Variants in MYSM1 observed in about 807,000 individuals in gnomAD.
MYSM1 encodes the protein deubiquitinase MYSM1.
In MYSM1, 51 loss-of-function variants were observed where a neutral mutation model predicts 116.0. The observed-to-expected ratio is 0.44, with a 90% CI of 0.35 to 0.56. The LOEUF is 0.56. MYSM1 is among the 20% of genes least tolerant of loss of function. The pLI, the probability that MYSM1 is intolerant of heterozygous loss-of-function variation, is 0.00. For synonymous variants in MYSM1, 313 were observed against 315.2 expected (o/e 0.99, Z 0.07); for missense variants, 900 against 974.9 (o/e 0.92, Z 1.02).
intron 16 of MYSM1, 74 bp downstream of exon 16, chr1:58,666,964 A>T: frequency 1.5e-6 from 1 of 662,666 alleles, no homozygotes; most frequent in Non-Finnish European, 2.3e-6. Context: ...AAAAATGTTT[A>T]AAGTTTATCT....
intron 10 of MYSM1, among the ~76,000 whole-genome samples, chr1:58,674,011 G>A (rs1644604987): frequency 6.6e-6 from 1 of 152,036 alleles, no homozygotes; most frequent in Non-Finnish European, 1.5e-5. Flanking sequence ...CATCATGTAG[G>A]AGCTAAAACA....
chr1:58,688,740 G>T (rs909244971), intron 6 of MYSM1, among the ~76,000 whole-genome samples: 2 of 151,662 alleles, frequency 1.3e-5, no homozygotes, highest in African/African-American at 4.8e-5. Flanking sequence ...TTTAATCCAG[G>T]TAGTTGGTGT....
chr1:58,673,407 G>A (rs1227299578), intron 11 of MYSM1, among the ~76,000 whole-genome samples, 166 bp downstream of exon 11: 1 of 152,224 alleles, frequency 6.6e-6, no homozygotes, highest in Non-Finnish European at 1.5e-5. Context: ...CACCACCAAT[G>A]CCTTCTACTT....
chr1:58,671,183 C>G (rs1160992849), intron 12 of MYSM1, among the ~76,000 whole-genome samples: 1 of 152,118 alleles, frequency 6.6e-6, no homozygotes, highest in African/African-American at 2.4e-5. Flanking sequence ...GTTTCCTCAT[C>G]TATAAAATGG....
At chr1:58,663,144 C>G (rs572874983) in intron 17 of MYSM1, among the ~76,000 whole-genome samples, 1 of 151,962 alleles carries the variant, frequency 6.6e-6, no homozygotes, top group Non-Finnish European at 1.5e-5. Context: ...GGATCTGAAT[C>G]CAGTAGAGTG....
rs1411158094 is a variant in MYSM1, at chr1:58,665,597, C to G, written c.2066G>C (p.Gly689Ala). 2 of 1,579,550 alleles carry G rather than the reference C, an allele frequency of 1.3e-6. No homozygotes were observed. The change falls in exon 17 of 20, where the codon GGG becomes GCG. Residue 689 changes from glycine to alanine, a missense_variant. By Grantham distance (60) the Gly-to-Ala change is moderately conservative. Around this residue, in one of 3 missense-constraint regions of MYSM1, gnomAD observed 186 missense variants for 196.2 expected, o/e 0.95. Transcript: ENST00000472487. Reference sequence around the variant, plus strand: ...TCGATTATAGGGACTAACAATCATCCCAATGAACTTTGCACCTCCTCTGGA... The same window carrying G: ...TCGATTATAGGGACTAACAATCATCGCAATGAACTTTGCACCTCCTCTGGA... ...YFSRGGAKFIGMIVSPYNRNN... is the reference protein window; with the variant it reads ...YFSRGGAKFIAMIVSPYNRNN...
At chr1:58,666,648 C>A (rs1644475725) in intron 16 of MYSM1, among the ~76,000 whole-genome samples, 1 of 149,278 alleles carries the variant, frequency 6.7e-6, no homozygotes. Flanking sequence ...CGAGGCGGGC[C>A]AATCACCTGA....
intron 8 of MYSM1, among the ~76,000 whole-genome samples, chr1:58,678,590 T>G (rs1644690561): frequency 6.6e-6 from 1 of 152,166 alleles, no homozygotes; most frequent in Non-Finnish European, 1.5e-5. Flanking sequence ...GATAAAAATC[T>G]GCCCTCATGT....
chr1:58,660,146 ACT>A lies in MYSM1; in HGVS notation c.2336_2337del (p.Glu779ValfsTer16), dbSNP rs1437662934. On this transcript the variant is annotated frameshift_variant, in exon 20 of 20. Coordinates refer to ENST00000472487, the MANE Select transcript of MYSM1 (RefSeq NM_001085487.3). LOFTEE classifies it high-confidence loss of function. ...ACTTTGCTCAGAGTCTTCCTCATAC[ACT>A]CCAAAAGCTAGTTGAAAAGAAAAGT... ...SDLTCLQKLL[E>X]CMRKTLSKVT... The A allele has an allele frequency of 6.4e-7, 1 of 1,571,122 alleles. No individual in the cohort carries two copies. Among genetic ancestry groups the A allele is most frequent in the Non-Finnish European group, 8.6e-7 (1 of 1,162,236 alleles).
chr1:58,668,695 A>AAT lies in MYSM1; in HGVS notation c.1717-14_1717-13insAT. On this transcript the variant is annotated splice_polypyrimidine_tract_variant and intron_variant, in intron 13 of 19. Coordinates refer to ENST00000472487, the MANE Select transcript of MYSM1 (RefSeq NM_001085487.3). The stretch of plus-strand genomic sequence containing the variant: ...CCTGAAATGGCTCCTGAAATATAAA[A>AAT]AACAAAACAAAACGGGGGAGCATAA... The AAT allele has an allele frequency of 1.3e-6, 2 of 1,592,880 alleles. No homozygotes were observed. Among genetic ancestry groups the AAT allele is most frequent in the East Asian group, 4.5e-5 (2 of 44,578 alleles).
intron 3 of MYSM1, 117 bp downstream of exon 3, chr1:58,692,744 T>C (rs1019630862): frequency 4.8e-6 from 3 of 629,006 alleles, no homozygotes; most frequent in African/African-American, 3.8e-5. Flanking sequence ...AATTATATAA[T>C]AGCAGTCTGG....
Position 58,668,970 on chromosome 1 carries a change from T to G in MYSM1, c.1716+14A>C. 2 of 1,585,332 alleles carry G rather than the reference T, an allele frequency of 1.3e-6. No homozygotes were observed. Among genetic ancestry groups the G allele is most frequent in the Non-Finnish European group, 1.7e-6 (2 of 1,160,884 alleles). Reference sequence around the variant, plus strand: ...GGGATTGTCTACTGTCATTCATTAATGCATAAATAGTACCTGCTTTTCTTC... The same window carrying G: ...GGGATTGTCTACTGTCATTCATTAAGGCATAAATAGTACCTGCTTTTCTTC... On this transcript the variant is annotated intron_variant, in intron 13 of 19. Transcript: ENST00000472487.
At chr1:58,667,823 A>AT (rs754581476) in intron 15 of MYSM1, 24 bp downstream of exon 15, 34 of 1,464,352 alleles carry the variant, frequency 2.3e-5, no homozygotes, top group Non-Finnish European at 3.0e-5. Flanking sequence ...TAACTAAAAC[A>AT]TTTTTTTAAA....
chr1:58,666,607 T>A (rs1345240678), intron 16 of MYSM1, among the ~76,000 whole-genome samples: 1 of 144,282 alleles, frequency 6.9e-6, no homozygotes, highest in African/African-American at 2.6e-5. Context: ...GTGTGGTGGC[T>A]CATGCCTATA....
At chr1:58,683,053 A>G (rs1376586240) in intron 7 of MYSM1, among the ~76,000 whole-genome samples, 1 of 152,186 alleles carries the variant, frequency 6.6e-6, no homozygotes, top group African/African-American at 2.4e-5. Flanking sequence ...AGGACCATAG[A>G]CTACAACTGC....
chr1:58,695,199 T>G lies in MYSM1; in HGVS notation c.77A>C (p.Glu26Ala), dbSNP rs1428172378. The change falls in exon 2 of 20, where the codon GAA (glutamate) becomes GCA (alanine). Residue 26 changes from glutamate to alanine, a missense_variant. This residue lies in a region of MYSM1 where 622 missense variants were observed against 623.7 expected (regional missense o/e 1.00). Transcript: ENST00000472487. ...TTTTTGTAAAACTGATGCTGTATTTTCACCACTTCTGTAATAATTAAGAAA... is the reference window on the plus strand; with the variant it reads ...TTTTTGTAAAACTGATGCTGTATTTGCACCACTTCTGTAATAATTAAGAAA... The part of the protein sequence containing the change: ...AAAGAQPGSG[E>A]NTASVLQKDH... The G allele has an allele frequency of 6.3e-7, 1 of 1,595,510 alleles. No individual in the cohort carries two copies. The highest frequency in any genetic ancestry group is 1.7e-5 in the Admixed American group (1 of 59,976).
At chr1:58,677,849 G>A (rs1644677129) in intron 8 of MYSM1, among the ~76,000 whole-genome samples, 2 of 152,052 alleles carry the variant, frequency 1.3e-5, no homozygotes, top group South Asian at 4.1e-4. Context: ...TGGAAATGAG[G>A]AAGCAAGGGG....
intron 2 of MYSM1, 30 bp from the exon 3 acceptor site, chr1:58,692,961 T>G (rs983021597): frequency 1.5e-5 from 22 of 1,516,262 alleles, no homozygotes; most frequent in Non-Finnish European, 2.0e-5. Context: ...ATTTGTCTTT[T>G]TATTTATTGC....
chr1:58,662,483 A>G (rs1351636078), intron 17 of MYSM1, among the ~76,000 whole-genome samples: 3 of 142,970 alleles, frequency 2.1e-5, no homozygotes, highest in Admixed American at 7.0e-5. Flanking sequence ...TTCGATGAGG[A>G]CACTACGTCA....
Sources: allele counts gnomAD v4.1 joint callset (sites outside exome capture counted in the v4.1 genomes callset), GRCh38; gene constraint gnomAD v4.1.1; regional missense constraint gnomAD v4.1.1; transcripts MANE v1.5; gene names NCBI Gene and HGNC (gene_info 2026-07-23, HGNC 2026-07-21).